COL4A2: variants seen among roughly 807,000 people sequenced by gnomAD.
COL4A2 encodes the protein collagen alpha-2(IV) chain.
Under a neutral mutation model 200.2 loss-of-function variants are expected in COL4A2, and 99 were observed. That is an observed-to-expected ratio of 0.49 (90% confidence interval 0.42 to 0.58). COL4A2 has a LOEUF of 0.58. Ranked by LOEUF, COL4A2 falls within the 20% of genes least tolerant of loss-of-function variation. The probability of loss-of-function intolerance (pLI) is 0.00; values close to 1 mark genes in which losing one functional copy is unlikely to be tolerated. For synonymous variants in COL4A2, 897 were observed against 900.6 expected (o/e 1.00, Z 0.07); for missense variants, 1,950 against 2,314.1 (o/e 0.84, Z 3.23).
chr13:110,426,187 C>A (rs982403578), intron 6 of COL4A2, among the ~76,000 whole-genome samples: 1 of 152,188 alleles, frequency 6.6e-6, no homozygotes, highest in African/African-American at 2.4e-5. Context: ...TTAAACTACT[C>A]TTTTGAACTC....
chr13:110,376,649 G>T (rs1422729485), intron 4 of COL4A2, among the ~76,000 whole-genome samples: 1 of 152,158 alleles, frequency 6.6e-6, no homozygotes, highest in Non-Finnish European at 1.5e-5. Flanking sequence ...CCTGCAAGCA[G>T]CCTGGGCCCC....
rs370449236 is a variant in COL4A2, at chr13:110,432,321, A to G, written c.649-4A>G. 9 of 1,608,920 alleles carry G rather than the reference A, an allele frequency of 5.6e-6. No homozygotes were observed. The African/African-American group carries it at 1.1e-4, about 19-fold the overall frequency. On this transcript the variant is annotated splice_polypyrimidine_tract_variant and splice_region_variant and intron_variant, in intron 10 of 47. Transcript: ENST00000360467. ...CATTTACACATTTCTTTGTATTTGT[A>G]CAGGGACCACCTGGACCCCCTGGAC...
Position 110,439,776 on chromosome 13 carries a change from T to C in COL4A2, c.913-13T>C. ...ATTCTGAGCTGTTTGCTTCTGTTTTTTGTTCATTCCAGGGTTACCCTGGCT... is the reference window on the plus strand; with the variant it reads ...ATTCTGAGCTGTTTGCTTCTGTTTTCTGTTCATTCCAGGGTTACCCTGGCT... On this transcript the variant is annotated splice_polypyrimidine_tract_variant and intron_variant, in intron 15 of 47. Coordinates refer to ENST00000360467, the MANE Select transcript of COL4A2 (RefSeq NM_001846.4). The C allele has an allele frequency of 6.2e-7, 1 of 1,613,916 alleles. No individual in the cohort carries two copies. The highest frequency in any genetic ancestry group is 8.5e-7 in the Non-Finnish European group (1 of 1,179,920).
Position 110,508,143 on chromosome 13 carries a change from G to A in COL4A2, c.4803G>A (p.Ala1601=), listed in dbSNP as rs562351783. ...SVCEAPAIAI[A]VHSQDVSIPH... is the part of the protein sequence containing the mutation. Reference sequence around the variant, plus strand: ...GTGAGGCCCCGGCCATCGCCATCGCGGTCCACAGTCAGGATGTCTCCATCC... The same window carrying A: ...GTGAGGCCCCGGCCATCGCCATCGCAGTCCACAGTCAGGATGTCTCCATCC... The change falls in exon 47 of 48, where the codon GCG becomes GCA. Residue 1601 remains alanine (A), a synonymous_variant. Transcript: ENST00000360467. The surrounding 1 kb of genome is among the most constrained non-coding windows in gnomAD (Gnocchi z 6.1). 33 of 1,614,238 alleles carry A rather than the reference G, an allele frequency of 2.0e-5. No individual in the cohort carries two copies. Among genetic ancestry groups the A allele is most frequent in the African/African-American group, 1.5e-4 (11 of 75,066 alleles).
chr13:110,507,218 G>A (rs1168897691), intron 46 of COL4A2, among the ~76,000 whole-genome samples: 4 of 152,202 alleles, frequency 2.6e-5, no homozygotes, highest in Admixed American at 6.5e-5. Flanking sequence ...TACATCAGGC[G>A]TTCTGCCCCC....
intron 4 of COL4A2, among the ~76,000 whole-genome samples, chr13:110,376,172 A>G (rs905115685): frequency 1.3e-5 from 2 of 152,212 alleles, no homozygotes; most frequent in Non-Finnish European, 2.9e-5. Flanking sequence ...TGTTCATGAC[A>G]GTACGAAATG....
chr13:110,334,941 C>T lies in COL4A2; in HGVS notation c.100-22531C>T, dbSNP rs374444756. On this transcript the variant is annotated intron_variant, in intron 3 of 47. Coordinates refer to ENST00000360467, the MANE Select transcript of COL4A2 (RefSeq NM_001846.4). ...TCAGCACAGTCAGATCCACGCAGCC[C>T]GTCTTCAGTCCAGGGAGGAGGAAGA... Among the ~76,000 whole-genome samples, 59 of 152,268 alleles carry T rather than the reference C, an allele frequency of 3.9e-4. No individual in the cohort carries two copies. The East Asian group carries it at 5.0e-3, about 13-fold the overall frequency.
intron 4 of COL4A2, among the ~76,000 whole-genome samples, chr13:110,382,253 A>G (rs1189916835): frequency 6.6e-6 from 1 of 152,232 alleles, no homozygotes; most frequent in East Asian, 1.9e-4. Flanking sequence ...TTTCTCATAA[A>G]CAGCTGCATA....
chr13:110,430,579 T>C lies in COL4A2; in HGVS notation c.620T>C (p.Met207Thr). 6.2e-7 allele frequency: 1 copy of C among 1,614,232 alleles called. No individual in the cohort carries two copies. Among genetic ancestry groups the C allele is most frequent in the Non-Finnish European group, 8.5e-7 (1 of 1,180,034 alleles). The stretch of plus-strand genomic sequence containing the variant: ...GGCCGCCCTGGGCATGTGGGACAGA[T>C]GGGTCCAGTTGGAGCTCCAGGGAGA... ...PPGRPGHVGQ[M>T]GPVGAPGRPG... The change falls in exon 10 of 48, where the codon ATG becomes ACG. Residue 207 changes from methionine to threonine, a missense_variant. Physicochemically the swap from Met to Thr is moderately conservative, Grantham distance 81. This residue lies in a region of COL4A2 where 565 missense variants were observed against 593.5 expected (regional missense o/e 0.95). Transcript: ENST00000360467.
chr13:110,322,956 G>A (rs1038087793), intron 3 of COL4A2, among the ~76,000 whole-genome samples: 6 of 152,244 alleles, frequency 3.9e-5, no homozygotes, highest in Admixed American at 6.5e-5. Flanking sequence ...GCGGGAGGGC[G>A]GATGCCCAGA....
chr13:110,457,537 G>GCAGGCTCATTTTCATGTCC, intron 21 of COL4A2, 102 bp downstream of exon 21: 1 of 753,670 alleles, frequency 1.3e-6, no homozygotes, highest in Non-Finnish European at 2.4e-6. Flanking sequence ...GTTTGGACAT[G>GCAGGCTCATTTTCATGTCC]AAAATGAGCC....
Position 110,503,446 on chromosome 13 carries a change from G to A in COL4A2, c.4103G>A (p.Gly1368Asp). ...TGPTGAVGDR[G>D]PKGPKGDPGF... ...CCCACTGGGGCGGTGGGCGACAGAG[G>A]CCCCAAGGGACCCAAGGGAGACCCA... is the stretch of plus-strand genomic sequence containing the variant. Residue 1368 changes from glycine to aspartate, a missense_variant, in exon 43 of 48, where the codon GGC becomes GAC. By Grantham distance (94) the Gly-to-Asp change is moderately conservative. Around this residue, in one of 2 missense-constraint regions of COL4A2, gnomAD observed 1,385 missense variants for 1,720.5 expected, o/e 0.80. Transcript: ENST00000360467. 1 of 1,583,318 alleles carries A rather than the reference G, an allele frequency of 6.3e-7. No homozygotes were observed. Among genetic ancestry groups the A allele is most frequent in the South Asian group, 1.1e-5 (1 of 87,280 alleles).
intron 4 of COL4A2, among the ~76,000 whole-genome samples, chr13:110,404,811 G>C (rs1307896690): frequency 1.3e-5 from 2 of 152,238 alleles, no homozygotes; most frequent in African/African-American, 4.8e-5. Context: ...GCCTCTGGGA[G>C]ACAAGGGTAG....
At chr13:110,362,086 A>G (rs12867262) in intron 4 of COL4A2, among the ~76,000 whole-genome samples, 35,399 of 152,178 alleles carry the variant, frequency 0.23, 5,289 homozygotes, top group Middle Eastern at 0.34. Flanking sequence ...GCTCTCCGGG[A>G]TGCAGGGAAG....
chr13:110,363,497 A>G (rs1223244134), intron 4 of COL4A2, among the ~76,000 whole-genome samples: 2 of 152,164 alleles, frequency 1.3e-5, no homozygotes, highest in Non-Finnish European at 2.9e-5. Context: ...GAGAAGAGGG[A>G]ACGAGTGCTC....
chr13:110,500,827 AG>A, intron 40 of COL4A2, among the ~76,000 whole-genome samples: 1 of 152,318 alleles, frequency 6.6e-6, no homozygotes, highest in African/African-American at 2.4e-5. Flanking sequence ...GCCTGAATGC[AG>A]CTTCTCTTAC....
intron 40 of COL4A2, among the ~76,000 whole-genome samples, chr13:110,496,116 G>A (rs1004009510): frequency 6.6e-6 from 1 of 152,148 alleles, no homozygotes; most frequent in Non-Finnish European, 1.5e-5. Flanking sequence ...TACGGGAGCT[G>A]GGCAGCACAC....
chr13:110,344,009 A>G (rs987397856), intron 3 of COL4A2, among the ~76,000 whole-genome samples: 3 of 152,210 alleles, frequency 2.0e-5, no homozygotes, highest in Non-Finnish European at 4.4e-5. Context: ...AAGAACTGGC[A>G]TGCCGTATAA....
At chr13:110,383,851 A>G (rs896191813) in intron 4 of COL4A2, among the ~76,000 whole-genome samples, 1 of 152,096 alleles carries the variant, frequency 6.6e-6, no homozygotes, top group Non-Finnish European at 1.5e-5. Flanking sequence ...GTCTCAAGCT[A>G]TCTGACCACC....
Sources: allele counts gnomAD v4.1 joint callset (sites outside exome capture counted in the v4.1 genomes callset), GRCh38; gene constraint gnomAD v4.1.1; regional missense constraint gnomAD v4.1.1; non-coding constraint Gnocchi (gnomAD v3.1); transcripts MANE v1.5; gene names NCBI Gene and HGNC (gene_info 2026-07-23, HGNC 2026-07-21).